CEP63: variants seen among roughly 807,000 people sequenced by gnomAD.
The protein encoded by CEP63 is centrosomal protein of 63 kDa.
Under a neutral mutation model 89.1 loss-of-function variants are expected in CEP63, and 84 were observed. The ratio of observed to expected loss-of-function variants is 0.94; its 90% CI spans 0.79 to 1.13. The LOEUF (loss-of-function observed/expected upper bound fraction) is 1.13. CEP63 is among the 50% of genes most tolerant of loss of function. The pLI, the probability that CEP63 is intolerant of heterozygous loss-of-function variation, is 0.00. For missense variants in CEP63, 838 were observed against 813.3 expected (o/e 1.03, Z -0.37); for synonymous variants, 267 against 272.5 (o/e 0.98, Z 0.20).
At chr3:134,525,156 A>C (rs1948369558) in intron 3 of CEP63, among the ~76,000 whole-genome samples, 1 of 152,112 alleles carries the variant, frequency 6.6e-6, no homozygotes, top group African/African-American at 2.4e-5. Flanking sequence ...TAGATTTTCT[A>C]GTTTATGTAC....
At chr3:134,710,274 A>T in the CEP63 span, among the ~76,000 whole-genome samples, 4 of 152,204 alleles carry the variant, frequency 2.6e-5, no homozygotes, top group African/African-American at 9.6e-5. Context: ...GAGGCCAACC[A>T]GGAAAAAGGC....
chr3:134,667,095 C>A, the CEP63 span, among the ~76,000 whole-genome samples: 1 of 152,222 alleles, frequency 6.6e-6, no homozygotes, highest in Non-Finnish European at 1.5e-5. Context: ...GTGCCAGATC[C>A]ACAACAGCTC....
the CEP63 span, among the ~76,000 whole-genome samples, chr3:134,614,242 G>T: frequency 1.3e-5 from 2 of 152,156 alleles, no homozygotes; most frequent in Non-Finnish European, 2.9e-5. Context: ...ACCTCCTGAA[G>T]AGCTCCGACC....
chr3:134,492,058 T>C (rs1328056903), intron 1 of CEP63, among the ~76,000 whole-genome samples: 1 of 150,050 alleles, frequency 6.7e-6, no homozygotes, highest in Non-Finnish European at 1.5e-5. Context: ...TATAAGACAT[T>C]CTATTTGTAT....
At chr3:134,633,621 C>T in the CEP63 span, among the ~76,000 whole-genome samples, 17 of 152,122 alleles carry the variant, frequency 1.1e-4, no homozygotes, top group Middle Eastern at 0.01. Flanking sequence ...AAAAAGGAAA[C>T]CTACAAAAAG....
chr3:134,581,314 C>G (rs375597941), intron 10 of CEP63, among the ~76,000 whole-genome samples: 1 of 152,184 alleles, frequency 6.6e-6, no homozygotes, highest in African/African-American at 2.4e-5. Flanking sequence ...GACGCGGTGG[C>G]TCACACCTGT....
At chr3:134,770,085 G>A in the CEP63 span, among the ~76,000 whole-genome samples, 1 of 152,234 alleles carries the variant, frequency 6.6e-6, no homozygotes, top group Non-Finnish European at 1.5e-5. Context: ...GCCAGCAAGG[G>A]CGTGGTGGTC....
At chr3:134,591,584 A>G (rs1028975267), downstream of CEP63, among the ~76,000 whole-genome samples, 1 of 152,100 alleles carries the variant, frequency 6.6e-6, no homozygotes, top group Non-Finnish European at 1.5e-5. Context: ...GGACAGGCAC[A>G]ATGGCTCATG....
the CEP63 span, among the ~76,000 whole-genome samples, chr3:134,681,704 C>G: frequency 6.6e-6 from 1 of 152,138 alleles, no homozygotes; most frequent in Non-Finnish European, 1.5e-5. Context: ...GGTGCCAGCT[C>G]CTAACACAGA....
chr3:134,606,339 G>A, the CEP63 span, among the ~76,000 whole-genome samples: 1 of 152,184 alleles, frequency 6.6e-6, no homozygotes, highest in Admixed American at 6.5e-5. Flanking sequence ...CCGTGGAGAA[G>A]CCTGTCTCTT....
At chr3:134,739,997 C>T in the CEP63 span, among the ~76,000 whole-genome samples, 1 of 152,120 alleles carries the variant, frequency 6.6e-6, no homozygotes, top group African/African-American at 2.4e-5. Flanking sequence ...GAGGCACCTC[C>T]CAGCTGTCTC....
the CEP63 span, among the ~76,000 whole-genome samples, chr3:134,592,911 G>A: frequency 1.8e-4 from 28 of 151,986 alleles, no homozygotes; most frequent in African/African-American, 3.9e-4. Context: ...CCTAGTCCCC[G>A]GAACCCTCAG....
At chr3:134,505,834 T>C (rs1000690072) in intron 2 of CEP63, among the ~76,000 whole-genome samples, 1 of 152,198 alleles carries the variant, frequency 6.6e-6, no homozygotes, top group Non-Finnish European at 1.5e-5. Context: ...CTCCCAGTGG[T>C]AAGTTTTCTT....
At chr3:134,771,515 G>A in the CEP63 span, among the ~76,000 whole-genome samples, 1 of 152,110 alleles carries the variant, frequency 6.6e-6, no homozygotes. Context: ...GGTCAGGGTG[G>A]GGCCTGATAA....
chr3:134,686,264 C>G, the CEP63 span, among the ~76,000 whole-genome samples: 1 of 152,214 alleles, frequency 6.6e-6, no homozygotes, highest in Non-Finnish European at 1.5e-5. Context: ...GCCATGGTCT[C>G]CCTGAAGACT....
intron 2 of CEP63, among the ~76,000 whole-genome samples, chr3:134,502,527 T>C (rs1337631974): frequency 6.6e-6 from 1 of 152,168 alleles, no homozygotes; most frequent in East Asian, 1.9e-4. Flanking sequence ...AGGATTTCTC[T>C]TTCTCCCTGT....
At chr3:134,545,543 A>T in intron 6 of CEP63, 43 bp from the exon 7 acceptor site, 1 of 1,358,090 alleles carries the variant, frequency 7.4e-7, no homozygotes. Context: ...TGATTATTTT[A>T]TCATTTCCCT....
At chr3:134,537,943 A>C (rs1290212227) in intron 6 of CEP63, among the ~76,000 whole-genome samples, 1 of 152,192 alleles carries the variant, frequency 6.6e-6, no homozygotes, top group Non-Finnish European at 1.5e-5. Context: ...GCTTAAGCAA[A>C]ACCAAAAAAC....
At chr3:134,532,973 C>A (rs1161261767) in intron 5 of CEP63, 73 bp downstream of exon 5, 4 of 1,533,192 alleles carry the variant, frequency 2.6e-6, no homozygotes, top group Non-Finnish European at 3.6e-6. Flanking sequence ...TCTAATGGCA[C>A]TATTTTCTGG....
Sources: gnomAD v4.1 joint callset for allele counts (sites outside exome capture counted in the v4.1 genomes callset) on GRCh38, gnomAD v4.1.1 for gene constraint, MANE v1.5 for transcripts, NCBI Gene and HGNC (gene_info 2026-07-23, HGNC 2026-07-21) for gene names.